The following SERINC5 variants were observed in gnomAD, a reference collection of about 807,000 sequenced individuals.
The protein encoded by SERINC5 is serine incorporator 5, also known as chromosome 5 open reading frame 12.
In SERINC5, 41 loss-of-function variants were observed where a neutral mutation model predicts 63.1. That is an observed-to-expected ratio of 0.65 (90% CI 0.51 to 0.84). The LOEUF is 0.84. SERINC5 is among the 40% of genes least tolerant of loss of function. The probability of loss-of-function intolerance (pLI) is 0.00; values close to 1 mark genes in which losing one functional copy is unlikely to be tolerated. For missense variants in SERINC5, 523 were observed against 573.0 expected, an observed-to-expected ratio of 0.91 and a Z score of 0.89; for synonymous variants, 222 against 215.2, an observed-to-expected ratio of 1.03 and a Z score of -0.28.
At chr5:80,254,032 C>T (rs1561458936) in intron 1 of SERINC5, among the ~76,000 whole-genome samples, 2 of 152,162 alleles carry the variant, frequency 1.3e-5, no homozygotes, top group South Asian at 2.1e-4. Flanking sequence ...TGGGTTCAAG[C>T]GATTCTCCTG....
At chr5:80,255,397 T>G (rs1053385949) in intron 1 of SERINC5, among the ~76,000 whole-genome samples, 3 of 152,004 alleles carry the variant, frequency 2.0e-5, no homozygotes, top group African/African-American at 7.2e-5. Flanking sequence ...CGAGACATTC[T>G]CAAAGGTACA....
intron 1 of SERINC5, 27 bp from the exon 2 acceptor site, chr5:80,203,080 T>G: frequency 1.9e-6 from 3 of 1,573,436 alleles, no homozygotes; most frequent in Admixed American, 1.9e-5. Context: ...AGGCATCTGC[T>G]TAGAGCATGA....
chr5:80,168,758 C>A (rs1747465682), intron 6 of SERINC5, among the ~76,000 whole-genome samples: 1 of 152,232 alleles, frequency 6.6e-6, no homozygotes, highest in Non-Finnish European at 1.5e-5. Context: ...ATCCCACTGT[C>A]TCTTCCTTCC....
intron 1 of SERINC5, among the ~76,000 whole-genome samples, chr5:80,245,556 C>A (rs1284017844): frequency 1.3e-5 from 2 of 152,138 alleles, no homozygotes; most frequent in African/African-American, 4.8e-5. Flanking sequence ...ACAAGCAGGG[C>A]TAGCTACATA....
Position 80,177,948 on chromosome 5 carries a change from G to C in SERINC5, c.312C>G (p.Ile104Met), listed in dbSNP as rs1748144644. Residue 104 changes from isoleucine to methionine, a missense_variant, in exon 3 of 12, where the codon ATC becomes ATG. By Grantham distance (10) the Ile-to-Met change is conservative. Transcript: ENST00000507668. ...VCFGMACFFF[I>M]FCLLTLKINN... ...TGATTTTCAAGGTCAGTAGACAGAA[G>C]ATAAAGAAGAAACAAGCCATTCCAA... The C allele has an allele frequency of 1.2e-6, 2 of 1,611,700 alleles. No individual in the cohort carries two copies. Among genetic ancestry groups the C allele is most frequent in the South Asian group, 1.1e-5 (1 of 90,604 alleles).
chr5:80,136,797 G>A (rs1181435226), downstream of SERINC5, among the ~76,000 whole-genome samples: 1 of 152,048 alleles, frequency 6.6e-6, no homozygotes, highest in African/African-American at 2.4e-5. Flanking sequence ...ACCTGAATAG[G>A]TATTTCTCAA....
chr5:80,119,933 A>G (rs939936518), intron 11 of SERINC5, among the ~76,000 whole-genome samples: 5 of 152,212 alleles, frequency 3.3e-5, no homozygotes, highest in Non-Finnish European at 5.9e-5. Flanking sequence ...CCTAGGAGTC[A>G]ATATGTAATA....
intron 6 of SERINC5, 71 bp downstream of exon 6, chr5:80,169,264 A>C (rs1747492571): frequency 1.5e-6 from 2 of 1,315,170 alleles, no homozygotes; most frequent in East Asian, 2.3e-5. Context: ...CAAAACAAAA[A>C]AAGCCATTGG....
chr5:80,217,996 G>A (rs549402278), intron 1 of SERINC5, among the ~76,000 whole-genome samples: 29 of 152,116 alleles, frequency 1.9e-4, no homozygotes, highest in Non-Finnish European at 3.8e-4. Flanking sequence ...CATCCTCTGG[G>A]TTCCACACTT....
intron 1 of SERINC5, among the ~76,000 whole-genome samples, chr5:80,246,454 T>G (rs2112604643): frequency 6.6e-6 from 1 of 152,328 alleles, no homozygotes; most frequent in South Asian, 2.1e-4. Context: ...GTTATGCATG[T>G]GTTTTTCCTA....
At chr5:80,177,681 T>G (rs2112416076) in intron 3 of SERINC5, among the ~76,000 whole-genome samples, 1 of 152,286 alleles carries the variant, frequency 6.6e-6, no homozygotes, top group East Asian at 1.9e-4. Context: ...TTGAGTAAAT[T>G]TCGCATCATG....
rs148520151 is a variant in SERINC5, at chr5:80,215,828, G to A, written c.28-12775C>T. 3.7e-3 allele frequency among the ~76,000 whole-genome samples: 556 copies of A among 152,276 alleles called. 4 individuals are homozygous for A. Among genetic ancestry groups the A allele is most frequent in the African/African-American group, 0.012 (506 of 41,566 alleles). On this transcript the variant is annotated intron_variant, in intron 1 of 11. Transcript: ENST00000507668. ...AAATGGGCAAGAAGAGGCTATGAAC[G>A]CATACAAAGCCATCAGTCAGCTTTG...
chr5:80,254,768 T>C (rs988711527), intron 1 of SERINC5, among the ~76,000 whole-genome samples: 2 of 152,148 alleles, frequency 1.3e-5, no homozygotes, highest in Non-Finnish European at 2.9e-5. Context: ...TCCTCAACTC[T>C]GAAAAGGCCA....
chr5:80,151,531 CAA>C (rs1403282520), intron 8 of SERINC5, among the ~76,000 whole-genome samples: 1 of 151,908 alleles, frequency 6.6e-6, no homozygotes, highest in Non-Finnish European at 1.5e-5. Flanking sequence ...TTCCTGAAAA[CAA>C]AAACAGGCCA....
chr5:80,171,050 G>A (rs756545848), intron 5 of SERINC5, among the ~76,000 whole-genome samples: 9 of 151,846 alleles, frequency 5.9e-5, no homozygotes, highest in Non-Finnish European at 1.2e-4. Flanking sequence ...TTGCTCTGTC[G>A]CCCAGGCTGG....
At chr5:80,162,715 G>A (rs1407800946) in intron 7 of SERINC5, among the ~76,000 whole-genome samples, 1 of 152,060 alleles carries the variant, frequency 6.6e-6, no homozygotes, top group Non-Finnish European at 1.5e-5. Flanking sequence ...AGTTTTCATT[G>A]TAAAGATCTT....
intron 7 of SERINC5, among the ~76,000 whole-genome samples, chr5:80,161,045 T>TGG (rs1306592223): frequency 5.1e-5 from 7 of 136,480 alleles, no homozygotes; most frequent in African/African-American, 1.9e-4. Flanking sequence ...TGTATATATA[T>TGG]ATATGTATGT....
At chr5:80,137,160 AAAAC>A (rs1561356094), downstream of SERINC5, among the ~76,000 whole-genome samples, 98 of 96,708 alleles carry the variant, frequency 1.0e-3, no homozygotes, top group African/African-American at 3.0e-3. Flanking sequence ...AAAAAAAAAA[AAAAC>A]AAAAAAAACA....
chr5:80,129,242 C>T (rs1047403043), intron 11 of SERINC5: 5 of 152,174 alleles, frequency 3.3e-5, no homozygotes, highest in South Asian at 2.1e-4. Context: ...CATGTGCACA[C>T]GAGTACGTTT....
Sources: allele counts gnomAD v4.1 joint callset (sites outside exome capture counted in the v4.1 genomes callset), GRCh38; gene constraint gnomAD v4.1.1; transcripts MANE v1.5; gene names NCBI Gene and HGNC (gene_info 2026-07-23, HGNC 2026-07-21).